Variants in COPG2 observed in about 807,000 individuals in gnomAD.
The protein encoded by COPG2 is coat protein complex I subunit gamma 2, also known as coatomer subunit gamma-2.
A neutral mutation model predicts 46.3 loss-of-function variants in COPG2; 37 were observed. The ratio of observed to expected loss-of-function variants is 0.80; its 90% CI spans 0.61 to 1.05. The LOEUF (loss-of-function observed/expected upper bound fraction) is 1.05, where lower values mean the gene tolerates loss of function less well. Ranked by LOEUF, COPG2 falls within the 50% of genes least tolerant of loss-of-function variation. The pLI is 0.00. For missense variants in COPG2, 427 were observed against 387.8 expected (o/e 1.10, Z -0.85); for synonymous variants, 159 against 129.7 (o/e 1.23, Z -1.53).
At chr7:130,543,042 A>G (rs1328376490) in intron 20 of COPG2, among the ~76,000 whole-genome samples, 1 of 152,204 alleles carries the variant, frequency 6.6e-6, no homozygotes, top group Non-Finnish European at 1.5e-5. Flanking sequence ...GGAAAACAGA[A>G]AAAGAAGAAA....
chr7:130,668,638 C>A lies in COPG2; in HGVS notation c.31G>T (p.Glu11Ter). Residue 11 changes from glutamate (E) to a stop codon, truncating the protein, a stop_gained, in exon 1 of 24, where the codon GAG becomes TAG. Transcript: ENST00000425248. LOFTEE classifies it high-confidence loss of function. MIKKFDKKDE[E>*]SGSGSNPFQH... ...TCGGAAGCCCCGCGCGTACCAGACTCCTCGTCCTTCTTGTCGAATTTTTTA... is the reference window on the plus strand; with the variant it reads ...TCGGAAGCCCCGCGCGTACCAGACTACTCGTCCTTCTTGTCGAATTTTTTA... 1 of 1,541,290 alleles carries A rather than the reference C, an allele frequency of 6.5e-7. No homozygotes were observed. The highest frequency in any genetic ancestry group is 8.7e-7 in the Non-Finnish European group (1 of 1,146,298).
intron 12 of COPG2, among the ~76,000 whole-genome samples, chr7:130,557,899 C>T (rs1793657488): frequency 6.8e-6 from 1 of 147,254 alleles, no homozygotes; most frequent in Admixed American, 6.8e-5. Flanking sequence ...GGCTAAGCAT[C>T]CTACAAAGCT....
chr7:130,610,094 T>G (rs371049254), intron 9 of COPG2: 1 of 519,612 alleles, frequency 1.9e-6, no homozygotes, highest in Non-Finnish European at 3.9e-6. Context: ...CCCTCTTGTT[T>G]ATGGGTTACA....
At chr7:130,511,274 A>C (rs144373369) in intron 20 of COPG2, among the ~76,000 whole-genome samples, 2 of 152,324 alleles carry the variant, frequency 1.3e-5, no homozygotes, top group Non-Finnish European at 2.9e-5. Context: ...ATTAAAGAAA[A>C]GGGTATGTCA....
At chr7:130,602,934 T>C (rs1794664690) in intron 9 of COPG2, 1 of 152,262 alleles carries the variant, frequency 6.6e-6, no homozygotes, top group South Asian at 2.1e-4. Context: ...TTCTACACCA[T>C]TATTTCTCAT....
At chr7:130,589,823 T>A (rs1794360477) in intron 9 of COPG2, among the ~76,000 whole-genome samples, 2 of 152,308 alleles carry the variant, frequency 1.3e-5, no homozygotes, top group Middle Eastern at 6.8e-3. Flanking sequence ...CATTTCCTCA[T>A]CTGGAGCTGC....
At chr7:130,520,713 G>A (rs1799716942) in intron 20 of COPG2, among the ~76,000 whole-genome samples, 1 of 152,264 alleles carries the variant, frequency 6.6e-6, no homozygotes, top group African/African-American at 2.4e-5. Flanking sequence ...CATAATATGA[G>A]CGGGACAATT....
intron 10 of COPG2, among the ~76,000 whole-genome samples, chr7:130,563,824 A>G (rs1023901451): frequency 2.0e-5 from 3 of 151,324 alleles, no homozygotes; most frequent in Non-Finnish European, 4.4e-5. Flanking sequence ...AACTTAAATA[A>G]GAAACAAAGT....
At chr7:130,647,148 C>T (rs2116222514) in intron 5 of COPG2, among the ~76,000 whole-genome samples, 1 of 152,032 alleles carries the variant, frequency 6.6e-6, no homozygotes, top group East Asian at 1.9e-4. Context: ...TCAAGCGACT[C>T]TCCTGTCACA....
intron 5 of COPG2, among the ~76,000 whole-genome samples, chr7:130,621,716 G>A (rs782155086): frequency 1.2e-4 from 18 of 152,094 alleles, no homozygotes; most frequent in Admixed American, 3.3e-4. Context: ...AGGCCGAAGC[G>A]GGTGAATAAC....
At chr7:130,583,240 C>T (rs1390794405) in intron 9 of COPG2, among the ~76,000 whole-genome samples, 12 of 150,412 alleles carry the variant, frequency 8.0e-5, no homozygotes, top group East Asian at 3.9e-4. Flanking sequence ...AGTAAACTAT[C>T]GCAAGAACAA....
intron 9 of COPG2, among the ~76,000 whole-genome samples, chr7:130,569,276 A>G (rs1793854851): frequency 6.6e-6 from 1 of 152,164 alleles, no homozygotes; most frequent in African/African-American, 2.4e-5. Flanking sequence ...ACAAAAAGCT[A>G]GTTCTTTGAA....
At chr7:130,546,342 A>G (rs1015363037) in intron 20 of COPG2, among the ~76,000 whole-genome samples, 148 of 152,338 alleles carry the variant, frequency 9.7e-4, no homozygotes, top group African/African-American at 3.2e-3. Flanking sequence ...GCTAGTGGAC[A>G]TATTTCAGAC....
chr7:130,624,545 G>A (rs1176288921), intron 5 of COPG2, among the ~76,000 whole-genome samples: 2 of 152,030 alleles, frequency 1.3e-5, no homozygotes, highest in African/African-American at 2.4e-5. Flanking sequence ...TACCCAATAT[G>A]TAGTCTTTTA....
At chr7:130,651,672 G>A (rs946502111) in intron 5 of COPG2, among the ~76,000 whole-genome samples, 5 of 150,866 alleles carry the variant, frequency 3.3e-5, no homozygotes, top group East Asian at 3.9e-4. Context: ...GCCCGCCACC[G>A]CGCCCGGCTA....
intron 12 of COPG2, among the ~76,000 whole-genome samples, chr7:130,555,908 T>G (rs1793615705): frequency 6.6e-6 from 1 of 152,212 alleles, no homozygotes; most frequent in African/African-American, 2.4e-5. Context: ...TTTACCCTGC[T>G]TGTGGCTAAC....
intron 20 of COPG2, among the ~76,000 whole-genome samples, chr7:130,511,126 G>T (rs1799588512): frequency 6.6e-6 from 1 of 152,130 alleles, no homozygotes; most frequent in Non-Finnish European, 1.5e-5. Context: ...GTTGGGCCAG[G>T]GTACAGAAAA....
At chr7:130,529,595 C>T (rs1484415135) in intron 20 of COPG2, among the ~76,000 whole-genome samples, 1 of 152,166 alleles carries the variant, frequency 6.6e-6, no homozygotes, top group Non-Finnish European at 1.5e-5. Context: ...GTATTAAGAC[C>T]AGACCACAGA....
chr7:130,506,799 G>A lies in COPG2; in HGVS notation c.2493C>T (p.Phe831=), dbSNP rs782252956. The A allele has an allele frequency of 2.6e-6, 2 of 772,918 alleles. No homozygotes were observed. Among genetic ancestry groups the A allele is most frequent in the Admixed American group, 1.8e-5 (1 of 57,090 alleles). 47.9% of individuals were successfully genotyped at this position (772,918 alleles called of 1,614,324 possible). A position where few individuals can be genotyped will look rare whatever the true frequency, so the allele number is the denominator to read the frequency against. ...NSHSLYLAGI[F]RGGYDLLVRS... ...TCACCAATAAATCATAGCCACCTCT[G>A]AATATACCTGAGAGAAAAAAGTAAG... The change falls in exon 24 of 24, where the codon TTC becomes TTT. Residue 831 remains phenylalanine (F), a synonymous_variant. Coordinates refer to ENST00000425248, the MANE Select transcript of COPG2 (RefSeq NM_012133.6).
Sources: allele counts gnomAD v4.1 joint callset (sites outside exome capture counted in the v4.1 genomes callset), GRCh38; gene constraint gnomAD v4.1.1; transcripts MANE v1.5; gene names NCBI Gene and HGNC (gene_info 2026-07-23, HGNC 2026-07-21).